The following CDK5RAP2 variants were observed in gnomAD, a reference collection of about 807,000 sequenced individuals.
CDK5RAP2 encodes the protein CDK5 regulatory subunit associated protein 2.
A neutral mutation model predicts 232.9 loss-of-function variants in CDK5RAP2; 147 were observed. The ratio of observed to expected loss-of-function variants is 0.63; its 90% CI spans 0.55 to 0.72. The LOEUF (loss-of-function observed/expected upper bound fraction) is 0.72. Among genes scored for constraint, CDK5RAP2 ranks in the 30% least tolerant of loss-of-function variants. CDK5RAP2 has a pLI of 0.00. For synonymous variants in CDK5RAP2, 833 were observed against 833.7 expected, an observed-to-expected ratio of 1.00 and a Z score of 0.01; for missense variants, 2,195 against 2,231.5, an observed-to-expected ratio of 0.98 and a Z score of 0.33.
intron 35 of CDK5RAP2, 135 bp downstream of exon 35, chr9:120,400,607 A>G (rs2032918865): frequency 9.8e-7 from 1 of 1,023,070 alleles, no homozygotes; most frequent in Admixed American, 1.9e-5. Context: ...GCCATGGCAA[A>G]CGGTGCCATC....
intron 27 of CDK5RAP2, among the ~76,000 whole-genome samples, chr9:120,416,398 G>A (rs1001409831): frequency 2.0e-5 from 3 of 152,220 alleles, no homozygotes; most frequent in Non-Finnish European, 2.9e-5. Context: ...CATTATGAAG[G>A]ATACTGCAAG....
intron 2 of CDK5RAP2, among the ~76,000 whole-genome samples, chr9:120,570,771 G>A (rs562698800): frequency 5.1e-4 from 77 of 151,776 alleles, no homozygotes; most frequent in African/African-American, 1.6e-3. Flanking sequence ...CCCACGAGGC[G>A]GAGGTTGCAG....
chr9:120,473,517 C>T (rs2037836600), intron 15 of CDK5RAP2, among the ~76,000 whole-genome samples: 2 of 152,214 alleles, frequency 1.3e-5, no homozygotes, highest in Non-Finnish European at 2.9e-5. Context: ...CATCGGACTG[C>T]ACACATAAAT....
intron 11 of CDK5RAP2, among the ~76,000 whole-genome samples, chr9:120,519,146 C>A (rs1253706546): frequency 3.3e-5 from 5 of 151,436 alleles, no homozygotes; most frequent in Non-Finnish European, 7.4e-5. Context: ...TGCACTCCAG[C>A]CTGGGTGACA....
chr9:120,457,847 G>C (rs1564246226), intron 20 of CDK5RAP2, among the ~76,000 whole-genome samples: 1 of 152,180 alleles, frequency 6.6e-6, no homozygotes, highest in African/African-American at 2.4e-5. Context: ...CTGAGGCACT[G>C]AGAGATAAAA....
intron 11 of CDK5RAP2, among the ~76,000 whole-genome samples, chr9:120,521,867 G>A (rs1180563594): frequency 1.3e-5 from 2 of 151,862 alleles, no homozygotes; most frequent in African/African-American, 4.8e-5. Flanking sequence ...GAATGGTCTC[G>A]ATCTCCTGAC....
chr9:120,537,997 T>TA (rs1314489404), intron 6 of CDK5RAP2, among the ~76,000 whole-genome samples: 3 of 152,206 alleles, frequency 2.0e-5, no homozygotes, highest in Non-Finnish European at 1.5e-5. Flanking sequence ...GGAAAGCACT[T>TA]ACAGGGAAAA....
intron 25 of CDK5RAP2, among the ~76,000 whole-genome samples, chr9:120,426,670 G>A (rs1263481146): frequency 1.3e-5 from 2 of 152,164 alleles, no homozygotes; most frequent in African/African-American, 2.4e-5. Flanking sequence ...CAGAAAAGGA[G>A]AAAGGGAAGG....
intron 15 of CDK5RAP2, among the ~76,000 whole-genome samples, chr9:120,472,909 T>C (rs758141464): frequency 1.1e-4 from 16 of 152,360 alleles, no homozygotes; most frequent in Middle Eastern, 3.4e-3. Flanking sequence ...GAACTGAACG[T>C]TTAATTTTGT....
intron 3 of CDK5RAP2, among the ~76,000 whole-genome samples, chr9:120,565,926 CT>C (rs2042630972): frequency 6.6e-6 from 1 of 152,204 alleles, no homozygotes; most frequent in Non-Finnish European, 1.5e-5. Flanking sequence ...CAGATTCCCC[CT>C]GGCAGAGAGC....
Position 120,512,357 on chromosome 9 carries a change from T to G in CDK5RAP2, c.1311+6070A>C, listed in dbSNP as rs150654363. ...GAGTGAGACCCTGTCTCAAATGAAT[T>G]AATTAATTAAAATACTCACTCTACT... On this transcript the variant is annotated intron_variant, in intron 12 of 37. Coordinates refer to ENST00000349780, the MANE Select transcript of CDK5RAP2 (RefSeq NM_018249.6). Among the ~76,000 whole-genome samples, 974 of 152,266 alleles carry G rather than the reference T, an allele frequency of 6.4e-3. 7 individuals are homozygous for G. Among genetic ancestry groups the G allele is most frequent in the Non-Finnish European group, 9.3e-3 (633 of 67,992 alleles).
intron 21 of CDK5RAP2, 45 bp from the exon 22 acceptor site, chr9:120,448,171 T>A (rs1226760726): frequency 4.8e-6 from 7 of 1,461,790 alleles, no homozygotes; most frequent in Non-Finnish European, 6.7e-6. Flanking sequence ...TGAACACACT[T>A]CCTTTGGTTG....
At chr9:120,546,499 C>G (rs1445921859) in intron 4 of CDK5RAP2, among the ~76,000 whole-genome samples, 2 of 152,208 alleles carry the variant, frequency 1.3e-5, no homozygotes, top group East Asian at 3.8e-4. Context: ...ACTTCTCAAA[C>G]TTATCTACAA....
At position 120,520,734 on chromosome 9, in the gene CDK5RAP2, G is replaced by A. The variant is rs1322841883; in HGVS notation, c.1093-2089C>T. Reference sequence around the variant, plus strand: ...TCATATATCATGATATATCATATATGTATCATGTGATATCTCATATCTCAT... The same window carrying A: ...TCATATATCATGATATATCATATATATATCATGTGATATCTCATATCTCAT... On this transcript the variant is annotated intron_variant, in intron 11 of 37. Coordinates refer to ENST00000349780, the MANE Select transcript of CDK5RAP2 (RefSeq NM_018249.6). Among the ~76,000 whole-genome samples the A allele has an allele frequency of 2.6e-4, 38 of 148,600 alleles. 3 individuals carry two copies. In the East Asian group the frequency reaches 7.0e-3, roughly 27 times the overall value.
intron 5 of CDK5RAP2, among the ~76,000 whole-genome samples, chr9:120,540,586 A>C (rs1414916412): frequency 6.6e-6 from 1 of 152,242 alleles, no homozygotes; most frequent in Admixed American, 6.5e-5. Context: ...ATTTTAATGG[A>C]ATTCAATGTG....
intron 19 of CDK5RAP2, 129 bp from the exon 20 acceptor site, chr9:120,458,751 CAGAAA>C (rs1177428173): frequency 2.4e-6 from 2 of 817,902 alleles, no homozygotes; most frequent in South Asian, 1.5e-5. Flanking sequence ...CAGAGAGAAA[CAGAAA>C]AGAAAAGGGG....
Position 120,409,230 on chromosome 9 carries a change from C to T in CDK5RAP2, c.4501G>A (p.Val1501Met), listed in dbSNP as rs1384552768. 30 of 1,613,990 alleles carry T rather than the reference C, an allele frequency of 1.9e-5. No homozygotes were observed. The highest frequency in any genetic ancestry group is 5.3e-5 in the African/African-American group (4 of 74,938). ...TGCAGCCTTTCATTTTCTTCCTTCA[C>T]GCTGGCATACTCCCGCTGAAGGTGC... is the stretch of plus-strand genomic sequence containing the variant. The part of the protein sequence containing the change: ...LEHLQREYAS[V>M]KEENERLQKE... The change falls in exon 30 of 38, where the codon GTG (valine) becomes ATG (methionine). Residue 1501 changes from valine (V) to methionine (M), a missense_variant. Physicochemically the swap from Val to Met is conservative, Grantham distance 21. Coordinates refer to ENST00000349780, the MANE Select transcript of CDK5RAP2 (RefSeq NM_018249.6).
chr9:120,445,583 G>A (rs1247107369), intron 22 of CDK5RAP2, among the ~76,000 whole-genome samples: 1 of 152,080 alleles, frequency 6.6e-6, no homozygotes, highest in African/African-American at 2.4e-5. Context: ...AAATCCCAAA[G>A]CCAATCCTCA....
chr9:120,498,536 G>A (rs2039424635), intron 12 of CDK5RAP2, among the ~76,000 whole-genome samples: 1 of 152,100 alleles, frequency 6.6e-6, no homozygotes, highest in Admixed American at 6.5e-5. Flanking sequence ...TGGGAAAACT[G>A]GCAGAATTCA....
Sources: gnomAD v4.1 joint callset for allele counts (sites outside exome capture counted in the v4.1 genomes callset) on GRCh38, gnomAD v4.1.1 for gene constraint, MANE v1.5 for transcripts, NCBI Gene and HGNC (gene_info 2026-07-23, HGNC 2026-07-21) for gene names.